The following PDSS2 variants were observed in gnomAD, a reference collection of about 807,000 sequenced individuals.
PDSS2 encodes the protein all trans-polyprenyl-diphosphate synthase PDSS2.
A neutral mutation model predicts 44.5 loss-of-function variants in PDSS2; 31 were observed. The ratio of observed to expected loss-of-function variants is 0.70; its 90% CI spans 0.52 to 0.94. The LOEUF is 0.94. Among genes scored for constraint, PDSS2 ranks in the 40% least tolerant of loss-of-function variants. The pLI, the probability that PDSS2 is intolerant of heterozygous loss-of-function variation, is 0.00. For missense variants in PDSS2, 452 were observed against 482.2 expected (o/e 0.94, Z 0.59); for synonymous variants, 157 against 180.3 (o/e 0.87, Z 1.03).
chr6:107,419,620 C>A (rs528161567), intron 1 of PDSS2, among the ~76,000 whole-genome samples: 9 of 152,154 alleles, frequency 5.9e-5, no homozygotes, highest in African/African-American at 2.2e-4. Context: ...CCATCAAATT[C>A]TCTGATAATG....
intron 1 of PDSS2, among the ~76,000 whole-genome samples, chr6:107,450,574 G>C (rs1231621825): frequency 1.3e-5 from 2 of 152,140 alleles, no homozygotes; most frequent in South Asian, 2.1e-4. Context: ...CTTTCCTCTA[G>C]AAAGAACACA....
chr6:107,378,108 T>C (rs1004582879), intron 1 of PDSS2, among the ~76,000 whole-genome samples: 2 of 148,062 alleles, frequency 1.4e-5, no homozygotes, highest in African/African-American at 2.5e-5. Flanking sequence ...AAAACGACAG[T>C]ACACTGGTAA....
chr6:107,289,451 G>C (rs1776273476), intron 2 of PDSS2, among the ~76,000 whole-genome samples: 1 of 151,776 alleles, frequency 6.6e-6, no homozygotes, highest in African/African-American at 2.4e-5. Flanking sequence ...TATAATCCAA[G>C]CACTGTGGGA....
At chr6:107,157,741 G>C (rs1235928877) in intron 7 of PDSS2, among the ~76,000 whole-genome samples, 6 of 152,016 alleles carry the variant, frequency 3.9e-5, no homozygotes, top group African/African-American at 1.4e-4. Flanking sequence ...CGCGATCTTG[G>C]CTCACTGCAA....
At chr6:107,308,070 C>T (rs1380247043) in intron 2 of PDSS2, among the ~76,000 whole-genome samples, 3 of 152,084 alleles carry the variant, frequency 2.0e-5, no homozygotes, top group South Asian at 4.1e-4. Flanking sequence ...ATGAGCACAA[C>T]GTACTAAGAA....
intron 2 of PDSS2, among the ~76,000 whole-genome samples, chr6:107,332,571 T>C (rs1394839925): frequency 5.3e-5 from 8 of 151,888 alleles, no homozygotes; most frequent in African/African-American, 1.9e-4. Flanking sequence ...ATAACTGAAA[T>C]ACATATATAT....
At chr6:107,355,068 G>A (rs548004944) in intron 1 of PDSS2, among the ~76,000 whole-genome samples, 1 of 152,212 alleles carries the variant, frequency 6.6e-6, no homozygotes, top group African/African-American at 2.4e-5. Flanking sequence ...CAGTAGCTGG[G>A]ACTACAGGCA....
In PDSS2 at chr6:107,310,260, G is replaced by A. The variant is rs111788067; in HGVS notation, c.431+23938C>T. On this transcript the variant is annotated intron_variant, in intron 2 of 7. Coordinates refer to ENST00000369037, the MANE Select transcript of PDSS2 (RefSeq NM_020381.4). ...AGATCACGCTACTGCACTCCAGCAT[G>A]GGCGACAGAGCAAGACTCCATCCCA... 5.5e-3 allele frequency among the ~76,000 whole-genome samples: 782 copies of A among 141,532 alleles called. 6 individuals carry two copies. The highest frequency in any genetic ancestry group is 0.02 in the African/African-American group (764 of 38,436). The allele number at this position is 141,532 out of a possible 152,430, so 92.9% of individuals were successfully genotyped here.
chr6:107,163,199 G>A (rs1343356742), intron 7 of PDSS2, among the ~76,000 whole-genome samples: 2 of 152,108 alleles, frequency 1.3e-5, no homozygotes, highest in African/African-American at 2.4e-5. Flanking sequence ...TCTGATGATA[G>A]CTAACAGGGT....
intron 7 of PDSS2, among the ~76,000 whole-genome samples, chr6:107,188,647 G>A (rs1447552186): frequency 6.6e-6 from 1 of 152,208 alleles, no homozygotes; most frequent in African/African-American, 2.4e-5. Flanking sequence ...AGCGGGAGGT[G>A]TTTGGGTCAG....
intron 2 of PDSS2, among the ~76,000 whole-genome samples, chr6:107,278,311 C>G (rs905007022): frequency 1.3e-5 from 2 of 152,020 alleles, no homozygotes; most frequent in African/African-American, 4.8e-5. Context: ...AAGAAAATCA[C>G]TAAGAATGGA....
chr6:107,454,656 T>C (rs941771714), intron 1 of PDSS2, among the ~76,000 whole-genome samples: 2 of 152,034 alleles, frequency 1.3e-5, no homozygotes, highest in African/African-American at 4.8e-5. Context: ...TTTTTCCTGC[T>C]GTTTGCTAAC....
intron 3 of PDSS2, among the ~76,000 whole-genome samples, chr6:107,269,175 A>G (rs990358775): frequency 1.2e-4 from 18 of 151,832 alleles, no homozygotes; most frequent in African/African-American, 4.4e-4. Flanking sequence ...GCCTGCCTCA[A>G]CCTCCCAAAG....
In PDSS2 at chr6:107,429,639, C is replaced by T. The variant is rs143577284; in HGVS notation, c.296+29351G>A. On this transcript the variant is annotated intron_variant, in intron 1 of 7. Coordinates refer to ENST00000369037, the MANE Select transcript of PDSS2 (RefSeq NM_020381.4). ...GTGGCTCACACCTGTAATCTCTGCA[C>T]GCTGGGAGGCCAAGGCAGCCAGATC... Among the ~76,000 whole-genome samples the T allele has an allele frequency of 9.2e-5, 14 of 151,846 alleles. No individual in the cohort carries two copies. In the East Asian group the frequency reaches 1.7e-3, roughly 19 times the overall value.
At chr6:107,246,050 G>T (rs554884662) in intron 3 of PDSS2, among the ~76,000 whole-genome samples, 1 of 152,134 alleles carries the variant, frequency 6.6e-6, no homozygotes, top group East Asian at 1.9e-4. Context: ...AAAAGCAAAA[G>T]AATGGATAAT....
chr6:107,443,313 A>C (rs1781565154), intron 1 of PDSS2, among the ~76,000 whole-genome samples: 1 of 152,208 alleles, frequency 6.6e-6, no homozygotes, highest in Non-Finnish European at 1.5e-5. Flanking sequence ...ATCTCCACTG[A>C]CCTCAGGATA....
chr6:107,171,609 C>T (rs905161227), intron 7 of PDSS2, among the ~76,000 whole-genome samples: 1 of 152,164 alleles, frequency 6.6e-6, no homozygotes, highest in East Asian at 1.9e-4. Flanking sequence ...ATTCCAGCCT[C>T]AAGCAATCTT....
intron 2 of PDSS2, among the ~76,000 whole-genome samples, chr6:107,289,409 G>A (rs1776271806): frequency 6.7e-6 from 1 of 149,062 alleles, no homozygotes; most frequent in African/African-American, 2.5e-5. Context: ...AAGAAATGGA[G>A]GCCAGGTGCA....
At chr6:107,208,421 T>TGAG (rs1361083271) in intron 6 of PDSS2, among the ~76,000 whole-genome samples, 2 of 149,080 alleles carry the variant, frequency 1.3e-5, no homozygotes, top group East Asian at 2.0e-4. Context: ...CTCAGCCACC[T>TGAG]GAGAAGCTGA....
Sources: gnomAD v4.1 joint callset for allele counts (sites outside exome capture counted in the v4.1 genomes callset) on GRCh38, gnomAD v4.1.1 for gene constraint, MANE v1.5 for transcripts, NCBI Gene and HGNC (gene_info 2026-07-23, HGNC 2026-07-21) for gene names.